MYT1L: variants seen among roughly 807,000 people sequenced by gnomAD.
MYT1L encodes myelin transcription factor 1-like protein.
MYT1L carries 12 observed loss-of-function variants against 126.7 expected under a neutral mutation model. The observed-to-expected ratio is 0.09, with a 90% CI of 0.06 to 0.15. The LOEUF is 0.15. Ranked by LOEUF, MYT1L falls within the 10% of genes least tolerant of loss-of-function variation. MYT1L has a pLI of 1.00. For missense variants in MYT1L, 979 were observed against 1,585.2 expected, an observed-to-expected ratio of 0.62 and a Z score of 6.49; for synonymous variants, 541 against 604.2, an observed-to-expected ratio of 0.90 and a Z score of 1.53.
intron 2 of MYT1L, among the ~76,000 whole-genome samples, chr2:2,246,423 G>T (rs2094537187): frequency 6.6e-6 from 1 of 152,134 alleles, no homozygotes; most frequent in African/African-American, 2.4e-5. Context: ...GAAATGAGCT[G>T]TGTGTGCCGC....
intron 14 of MYT1L, among the ~76,000 whole-genome samples, chr2:1,900,041 T>C (rs1202507037): frequency 6.6e-6 from 1 of 152,230 alleles, no homozygotes. Context: ...TCCATGGCCC[T>C]GACCTTTGGT....
At chr2:2,232,981 C>A (rs553556045) in intron 2 of MYT1L, among the ~76,000 whole-genome samples, 2 of 152,280 alleles carry the variant, frequency 1.3e-5, no homozygotes, top group South Asian at 4.1e-4. Context: ...TAGAATTTAG[C>A]TTGAAAAATC....
intron 4 of MYT1L, among the ~76,000 whole-genome samples, chr2:2,051,558 C>CT (rs1318823026): frequency 6.6e-6 from 1 of 152,192 alleles, no homozygotes; most frequent in Non-Finnish European, 1.5e-5. Flanking sequence ...TGTTGACTTT[C>CT]TACCTAAGAA....
At chr2:1,952,725 TC>T (rs2057898613) in intron 8 of MYT1L, among the ~76,000 whole-genome samples, 1 of 50,436 alleles carries the variant, frequency 2.0e-5, no homozygotes, top group Non-Finnish European at 4.0e-5. Flanking sequence ...CCTCCTTCCT[TC>T]CCTTCCCTCC....
chr2:1,853,293 T>C (rs2043508962), intron 18 of MYT1L, among the ~76,000 whole-genome samples: 1 of 151,996 alleles, frequency 6.6e-6, no homozygotes. Context: ...AAAAGAGGAG[T>C]TTGGGGCAGA....
At chr2:2,016,823 T>C (rs373627668) in intron 4 of MYT1L, among the ~76,000 whole-genome samples, 6 of 152,368 alleles carry the variant, frequency 3.9e-5, no homozygotes, top group African/African-American at 1.4e-4. Context: ...TGCATCTAAG[T>C]GTCTGAATTT....
intron 13 of MYT1L, among the ~76,000 whole-genome samples, chr2:1,908,590 C>G (rs572740969): frequency 1.3e-5 from 2 of 152,344 alleles, no homozygotes; most frequent in African/African-American, 4.8e-5. Flanking sequence ...ACAAATTTCT[C>G]CCTACCAACT....
intron 21 of MYT1L, among the ~76,000 whole-genome samples, 186 bp from the exon 22 acceptor site, chr2:1,809,353 T>G (rs977678878): frequency 6.6e-6 from 1 of 152,130 alleles, no homozygotes; most frequent in Non-Finnish European, 1.5e-5. Context: ...ATGGGGTGCA[T>G]GTGTGTGCAC....
At chr2:1,895,058 C>T (rs926067198) in intron 14 of MYT1L, among the ~76,000 whole-genome samples, 12 of 152,126 alleles carry the variant, frequency 7.9e-5, no homozygotes, top group Admixed American at 6.5e-5. Flanking sequence ...CTCTATACAC[C>T]AATAACATCC....
At chr2:2,260,349 A>G (rs1304843788) in intron 2 of MYT1L, among the ~76,000 whole-genome samples, 2 of 152,230 alleles carry the variant, frequency 1.3e-5, no homozygotes, top group Non-Finnish European at 2.9e-5. Flanking sequence ...AAAGGCATAT[A>G]CAGACTTCGT....
Position 2,002,286 on chromosome 2 carries a change from C to T in MYT1L, c.-157-4939G>A, listed in dbSNP as rs556754619. On this transcript the variant is annotated intron_variant, in intron 4 of 24. Transcript: ENST00000647738. ...TGTGCGGTTGGCTCTCTGCTGCTGCCGAACAGCAGCCTGCCTTGACCTCTT... is the reference window on the plus strand; with the variant it reads ...TGTGCGGTTGGCTCTCTGCTGCTGCTGAACAGCAGCCTGCCTTGACCTCTT... Among the ~76,000 whole-genome samples the T allele has an allele frequency of 4.6e-5, 7 of 152,212 alleles. No individual in the cohort carries two copies. In the South Asian group the frequency reaches 6.2e-4, roughly 14 times the overall value.
chr2:1,853,424 A>C (rs2043525309), intron 18 of MYT1L, among the ~76,000 whole-genome samples: 1 of 152,118 alleles, frequency 6.6e-6, no homozygotes, highest in South Asian at 2.1e-4. Context: ...TTTGATCGTA[A>C]GACTATTCAG....
intron 2 of MYT1L, among the ~76,000 whole-genome samples, chr2:2,207,860 C>T (rs1342209458): frequency 2.6e-5 from 4 of 152,174 alleles, no homozygotes; most frequent in African/African-American, 9.6e-5. Flanking sequence ...CTGATGCCAT[C>T]GAAGCACCTA....
At chr2:2,113,921 T>C (rs1354679854) in intron 3 of MYT1L, among the ~76,000 whole-genome samples, 2 of 151,742 alleles carry the variant, frequency 1.3e-5, no homozygotes, top group Non-Finnish European at 2.9e-5. Context: ...AAAACAGTTA[T>C]GAAAACATTA....
intron 2 of MYT1L, among the ~76,000 whole-genome samples, chr2:2,269,065 G>A: frequency 6.6e-6 from 1 of 152,164 alleles, no homozygotes; most frequent in Admixed American, 6.5e-5. Context: ...AGTCTCCTGT[G>A]TGTGGGGTGC....
chr2:2,052,455 A>T (rs2068941958), intron 4 of MYT1L, among the ~76,000 whole-genome samples: 2 of 152,220 alleles, frequency 1.3e-5, no homozygotes, highest in Admixed American at 6.5e-5. Flanking sequence ...ACTTAAAACA[A>T]CGAAATGTTT....
intron 4 of MYT1L, among the ~76,000 whole-genome samples, chr2:2,017,532 T>A (rs2064552147): frequency 6.6e-6 from 1 of 152,178 alleles, no homozygotes; most frequent in South Asian, 2.1e-4. Flanking sequence ...GGTGTCTGGG[T>A]GAATTACATG....
intron 13 of MYT1L, among the ~76,000 whole-genome samples, chr2:1,909,730 T>G (rs2051628251): frequency 2.0e-5 from 3 of 152,136 alleles, no homozygotes; most frequent in South Asian, 4.1e-4. Context: ...TGACAACACC[T>G]ACTCCCACCT....
intron 3 of MYT1L, among the ~76,000 whole-genome samples, chr2:2,109,875 TTATATATATATATATATATATATA>T (rs58549168): frequency 1.6e-3 from 101 of 63,888 alleles, no homozygotes; most frequent in East Asian, 2.4e-3. Flanking sequence ...AGTGCTGATT[TTATATATATATATATATATATATA>T]TATATATATA....
Sources: gnomAD v4.1 joint callset for allele counts (sites outside exome capture counted in the v4.1 genomes callset) on GRCh38, gnomAD v4.1.1 for gene constraint, MANE v1.5 for transcripts, NCBI Gene and HGNC (gene_info 2026-07-23, HGNC 2026-07-21) for gene names.